Variants in CNR2 observed in about 807,000 individuals in gnomAD.
CNR2 encodes cannabinoid receptor 2.
For missense variants in CNR2, 379 were observed against 439.9 expected, an observed-to-expected ratio of 0.86 and a Z score of 1.24; for synonymous variants, 172 against 182.2, an observed-to-expected ratio of 0.94 and a Z score of 0.45.
chr1:23,894,946 A>G (rs990854261), intron 1 of CNR2, among the ~76,000 whole-genome samples: 1 of 152,094 alleles, frequency 6.6e-6, no homozygotes, highest in Non-Finnish European at 1.5e-5. Context: ...ACTGCCGGGC[A>G]TGGTGGCTCA....
rs1433594339 is a variant in CNR2 at position 23,901,454 on chromosome 1, C to T, written c.-46+11792G>A. The T allele has an allele frequency of 2.6e-6, 4 of 1,532,618 alleles. No homozygotes were observed. The African/African-American group carries it at 4.1e-5, about 16-fold the overall frequency. The allele number at this position is 1,532,618 out of a possible 1,614,324, so 94.9% of individuals were successfully genotyped here. Reference sequence around the variant, plus strand: ...CCTCCATCCACTCGCCGACCTGCTGCAGCCTCCCCGGGCACCTCAGGCATA... The same window carrying T: ...CCTCCATCCACTCGCCGACCTGCTGTAGCCTCCCCGGGCACCTCAGGCATA... On this transcript the variant is annotated intron_variant, in intron 1 of 1. Transcript: ENST00000374472.
intron 1 of CNR2, among the ~76,000 whole-genome samples, chr1:23,889,467 A>G (rs1640150311): frequency 1.3e-5 from 2 of 151,968 alleles, no homozygotes; most frequent in Non-Finnish European, 2.9e-5. Context: ...TTTCCTATCT[A>G]AGGCCTTTCT....
Position 23,888,648 on chromosome 1 carries a change from T to C in CNR2, c.-45-12986A>G, listed in dbSNP as rs143688657. Among the ~76,000 whole-genome samples the C allele has an allele frequency of 3.3e-4, 50 of 152,220 alleles. 1 individual carries two copies. In the East Asian group the frequency reaches 9.3e-3, roughly 28 times the overall value. On this transcript the variant is annotated intron_variant, in intron 1 of 1. Transcript: ENST00000374472. ...AAGAGTAAAAGAGAAGCGGGAGTCT[T>C]TCTGAACCTATTCTGGGCTGCCTGA...
chr1:23,911,416 T>C (rs1640582184), intron 1 of CNR2, among the ~76,000 whole-genome samples: 1 of 152,010 alleles, frequency 6.6e-6, no homozygotes, highest in South Asian at 2.1e-4. Flanking sequence ...GACAATCAAG[T>C]CCATTTGGGC....
At chr1:23,896,034 A>G (rs1401724732) in intron 1 of CNR2, among the ~76,000 whole-genome samples, 1 of 151,570 alleles carries the variant, frequency 6.6e-6, no homozygotes, top group East Asian at 1.9e-4. Flanking sequence ...TGTTATTATT[A>G]TTTACTTTTT....
intron 1 of CNR2, among the ~76,000 whole-genome samples, chr1:23,912,591 T>G (rs148774497): frequency 6.6e-6 from 1 of 152,370 alleles, no homozygotes; most frequent in Non-Finnish European, 1.5e-5. Context: ...TGATAGCTCC[T>G]ACTGCATACG....
At chr1:23,912,301 G>T (rs1178972330) in intron 1 of CNR2, among the ~76,000 whole-genome samples, 2 of 152,170 alleles carry the variant, frequency 1.3e-5, no homozygotes, top group Non-Finnish European at 2.9e-5. Flanking sequence ...CAGACCCCTG[G>T]CCTCCTGAGT....
At chr1:23,906,748 TG>T (rs1277409939) in intron 1 of CNR2, among the ~76,000 whole-genome samples, 1 of 152,002 alleles carries the variant, frequency 6.6e-6, no homozygotes, top group Non-Finnish European at 1.5e-5. Context: ...TTCATTTAGC[TG>T]GGAGTGGTGG....
intron 1 of CNR2, among the ~76,000 whole-genome samples, chr1:23,894,189 G>C (rs544727958): frequency 8.8e-4 from 133 of 150,764 alleles, no homozygotes; most frequent in East Asian, 4.5e-3. Context: ...GGGAGGCCGA[G>C]GTGGGTGGAT....
chr1:23,890,726 C>G (rs1324630654), intron 1 of CNR2, among the ~76,000 whole-genome samples: 1 of 138,018 alleles, frequency 7.2e-6, no homozygotes, highest in African/African-American at 2.7e-5. Context: ...GCCTGGGCAA[C>G]AAGAGTGAGA....
At chr1:23,902,156 TG>T (rs1440541052) in intron 1 of CNR2, 20 of 1,417,638 alleles carry the variant, frequency 1.4e-5, no homozygotes, top group African/African-American at 2.8e-5. Context: ...CCCTGCCTCT[TG>T]CACTCTGCCT....
At chr1:23,890,642 G>A (rs879589925) in intron 1 of CNR2, among the ~76,000 whole-genome samples, 2 of 151,882 alleles carry the variant, frequency 1.3e-5, no homozygotes, top group Non-Finnish European at 2.9e-5. Context: ...CTACTCGGGA[G>A]GCTGAGGCAA....
In CNR2 at chr1:23,875,299, G is replaced by T; in HGVS notation, c.319C>A (p.Leu107Met). 1 of 1,614,214 alleles carries T rather than the reference G, an allele frequency of 6.2e-7. No homozygotes were observed. The highest frequency in any genetic ancestry group is 8.5e-7 in the Non-Finnish European group (1 of 1,180,050). ...ATAGTCACGCTGCCAATCTTCAGCA[G>T]GAAGACAGCCTTGGAATCCACACCA... The part of the protein sequence containing the change: ...FHGVDSKAVF[L>M]LKIGSVTMTF... Residue 107 changes from leucine (L) to methionine (M), a missense_variant, in exon 2 of 2, where the codon CTG becomes ATG. Leu to Met is a conservative substitution (Grantham distance 15). Coordinates refer to ENST00000374472, the MANE Select transcript of CNR2 (RefSeq NM_001841.3).
At chr1:23,883,665 A>C (rs566833054) in intron 1 of CNR2, among the ~76,000 whole-genome samples, 3 of 152,096 alleles carry the variant, frequency 2.0e-5, no homozygotes, top group Non-Finnish European at 4.4e-5. Context: ...TCTCTACTAA[A>C]ATACAAAAAA....
At chr1:23,883,070 G>A (rs535417157) in intron 1 of CNR2, among the ~76,000 whole-genome samples, 9 of 152,284 alleles carry the variant, frequency 5.9e-5, no homozygotes, top group African/African-American at 1.9e-4. Flanking sequence ...AAGGAAAAAG[G>A]AGAGCAACCA....
In CNR2 at chr1:23,871,098, A is replaced by G. The variant is rs1291605308; in HGVS notation, c.*3437T>C. On this transcript the variant is annotated 3_prime_UTR_variant, in exon 2 of 2. Coordinates refer to ENST00000374472, the MANE Select transcript of CNR2 (RefSeq NM_001841.3). Reference sequence around the variant, plus strand: ...AACCCAGGAGGCAGAGGTTGCAGTGAGCCAAGATTGCATGCCACTGCACTC... The same window carrying G: ...AACCCAGGAGGCAGAGGTTGCAGTGGGCCAAGATTGCATGCCACTGCACTC... 1.4e-5 allele frequency: 2 copies of G among 141,752 alleles called. No individual in the cohort carries two copies. Among genetic ancestry groups the G allele is most frequent in the Non-Finnish European group, 3.0e-5 (2 of 66,046 alleles). The allele number at this position is 141,752 out of a possible 1,614,324, so 8.8% of individuals were successfully genotyped here. A position where few individuals can be genotyped will look rare whatever the true frequency, so the allele number is the denominator to read the frequency against.
chr1:23,904,178 GT>G (rs941406053), intron 1 of CNR2, among the ~76,000 whole-genome samples: 1,529 of 132,510 alleles, frequency 0.012, 17 homozygotes, highest in African/African-American at 0.035. Context: ...TCGTTTCATT[GT>G]TTTTTTTTTT....
chr1:23,912,444 C>T (rs917543369), intron 1 of CNR2, among the ~76,000 whole-genome samples: 2 of 152,224 alleles, frequency 1.3e-5, no homozygotes, highest in Non-Finnish European at 2.9e-5. Context: ...CAGTCCACAC[C>T]TCGTAAGGCA....
At chr1:23,911,820 C>T (rs951669160) in intron 1 of CNR2, among the ~76,000 whole-genome samples, 8 of 152,186 alleles carry the variant, frequency 5.3e-5, no homozygotes, top group African/African-American at 1.9e-4. Flanking sequence ...TAGGGGGTCA[C>T]TCTGGTAAGC....
Sources: gnomAD v4.1 joint callset for allele counts (sites outside exome capture counted in the v4.1 genomes callset) on GRCh38, gnomAD v4.1.1 for gene constraint, MANE v1.5 for transcripts, NCBI Gene and HGNC (gene_info 2026-07-23, HGNC 2026-07-21) for gene names.